Variants in POFUT2 observed in about 807,000 individuals in gnomAD.
POFUT2 encodes GDP-fucose protein O-fucosyltransferase 2.
Under a neutral mutation model 55.0 loss-of-function variants are expected in POFUT2, and 30 were observed. The observed-to-expected ratio is 0.55, with a 90% CI of 0.41 to 0.74. The LOEUF (loss-of-function observed/expected upper bound fraction) is 0.74, where lower values mean the gene tolerates loss of function less well. Among genes scored for constraint, POFUT2 ranks in the 30% least tolerant of loss-of-function variants. POFUT2 has a pLI of 0.00. For synonymous variants in POFUT2, 267 were observed against 231.1 expected, an observed-to-expected ratio of 1.16 and a Z score of -1.41; for missense variants, 524 against 562.6, an observed-to-expected ratio of 0.93 and a Z score of 0.69.
Position 45,270,603 on chromosome 21 carries a change from G to C in POFUT2, c.832-584C>G, listed in dbSNP as rs2093210259. Among the ~76,000 whole-genome samples, 1 of 152,218 alleles carries C rather than the reference G, an allele frequency of 6.6e-6. No individual in the cohort carries two copies. The highest frequency in any genetic ancestry group is 2.1e-4 in the South Asian group (1 of 4,832). On this transcript the variant is annotated intron_variant, in intron 6 of 8. Transcript: ENST00000349485. This position sits in a 1 kb window ranked among gnomAD's most constrained non-coding sequence, Gnocchi z 4.6. Reference sequence around the variant, plus strand: ...GCATAACCAGCATTCGAGAAAGCCAGTGCACTCAACAAAACTACAACCAAG... The same window carrying C: ...GCATAACCAGCATTCGAGAAAGCCACTGCACTCAACAAAACTACAACCAAG...
intron 6 of POFUT2, among the ~76,000 whole-genome samples, chr21:45,275,720 A>G (rs1468375628): frequency 6.6e-6 from 1 of 152,178 alleles, no homozygotes; most frequent in Non-Finnish European, 1.5e-5. Flanking sequence ...GAATGACACA[A>G]TGGACTTTGG....
chr21:45,266,288 TAC>T lies in POFUT2; in HGVS notation c.1137-655_1137-654del, dbSNP rs1265495949. The T allele has an allele frequency of 3.1e-5, 42 of 1,366,716 alleles. No individual in the cohort carries two copies. In the East Asian group the frequency reaches 1.8e-3, roughly 58 times the overall value. 84.7% of individuals were successfully genotyped at this position (1,366,716 alleles called of 1,614,324 possible). A position where few individuals can be genotyped will look rare whatever the true frequency, so the allele number is the denominator to read the frequency against. The stretch of plus-strand genomic sequence containing the variant: ...AGCAAATGTAACATGCACAGCGCTG[TAC>T]ACAGAGCCACAGGGCCAGCAGGCCA... On this transcript the variant is annotated intron_variant, in intron 8 of 8. Coordinates refer to ENST00000349485, the MANE Select transcript of POFUT2 (RefSeq NM_133635.6).
At chr21:45,274,269 A>C (rs2093243941) in intron 6 of POFUT2, among the ~76,000 whole-genome samples, 1 of 152,202 alleles carries the variant, frequency 6.6e-6, no homozygotes, top group African/African-American at 2.4e-5. Flanking sequence ...ACAAAACTTG[A>C]TCTCTACAAG....
Position 45,277,027 on chromosome 21 carries a change from A to C in POFUT2, c.821T>G (p.Met274Arg), listed in dbSNP as rs1381463828. ...ADRIPFQEDW[M>R]KMKVKLGSAL... ...AGGGAGGGGGGCTACCTTCATCTTC[A>C]TCCAGTCCTCCTGGAAGGGGATCCT... Residue 274 changes from methionine (M) to arginine (R), a missense_variant, in exon 6 of 9, where the codon ATG (methionine) becomes AGG (arginine). Around this residue, in one of 2 missense-constraint regions of POFUT2, gnomAD observed 250 missense variants for 318.2 expected, o/e 0.79. Coordinates refer to ENST00000349485, the MANE Select transcript of POFUT2 (RefSeq NM_133635.6). This position sits in a 1 kb window ranked among gnomAD's most constrained non-coding sequence, Gnocchi z 6.9. The C allele has an allele frequency of 1.9e-6, 3 of 1,613,908 alleles. No individual in the cohort carries two copies. The East Asian group carries it at 6.7e-5, about 36-fold the overall frequency.
chr21:45,265,662 G>A lies in POFUT2; in HGVS notation c.1137-27C>T, dbSNP rs1358968965. 1.3e-6 allele frequency: 1 copy of A among 782,560 alleles called. No individual in the cohort carries two copies. The highest frequency in any genetic ancestry group is 6.5e-5 in the East Asian group (1 of 15,460). The allele number at this position is 782,560 out of a possible 1,614,324, so 48.5% of individuals were successfully genotyped here. A position where few individuals can be genotyped will look rare whatever the true frequency, so the allele number is the denominator to read the frequency against. The stretch of plus-strand genomic sequence containing the variant: ...TGCAAAGGATCACAGAGGTTCCAGA[G>A]TCAGGGAGAACTGGCGTCACAGAGG... On this transcript the variant is annotated intron_variant, in intron 8 of 8. Transcript: ENST00000349485. This position sits in a 1 kb window ranked among gnomAD's most constrained non-coding sequence, Gnocchi z 4.6.
rs1395343423 is a variant in POFUT2, at chr21:45,282,652, G to A, written c.528-193C>T. ...AAAGAAGCCCATGAGTGTCTCTCAG[G>A]CTGATGGACCACTGAGGCTTTCCCC... On this transcript the variant is annotated intron_variant, in intron 3 of 8. Coordinates refer to ENST00000349485, the MANE Select transcript of POFUT2 (RefSeq NM_133635.6). The surrounding 1 kb of genome is among the most constrained non-coding windows in gnomAD (Gnocchi z 4.6). 6.6e-6 allele frequency among the ~76,000 whole-genome samples: 1 copy of A among 152,208 alleles called. No homozygotes were observed. The highest frequency in any genetic ancestry group is 1.5e-5 in the Non-Finnish European group (1 of 68,026).
intron 4 of POFUT2, among the ~76,000 whole-genome samples, chr21:45,279,146 C>G (rs1275683131): frequency 6.6e-6 from 1 of 152,176 alleles, no homozygotes; most frequent in Non-Finnish European, 1.5e-5. Context: ...AATCCCAGCA[C>G]TTTGGGAGGC....
rs112907087 is a variant in POFUT2, at chr21:45,265,635, C to T, written c.1137G>A (p.Arg379=). Residue 379 remains arginine, a splice_region_variant and synonymous_variant, in exon 9 of 9, where the codon AGG becomes AGA. Transcript: ENST00000349485. This position sits in a 1 kb window ranked among gnomAD's most constrained non-coding sequence, Gnocchi z 4.6. ...TTGAGACTGAGGTGCCAATAAAAAA[C>T]CTGCAAAGGATCACAGAGGTTCCAG... is the stretch of plus-strand genomic sequence containing the variant. The part of the protein sequence containing the change: ...IIDQWICAHA[R]FFIGTSVSTF... The T allele has an allele frequency of 1.1e-3, 1,758 of 1,611,110 alleles. 19 individuals carry two copies. The African/African-American group carries it at 0.021, about 20-fold the overall frequency.
intron 7 of POFUT2, 111 bp downstream of exon 7, chr21:45,269,728 A>G (rs1417108581): frequency 4.9e-6 from 5 of 1,010,768 alleles, no homozygotes; most frequent in Admixed American, 2.6e-5. Flanking sequence ...TCCCTCCACT[A>G]TTGTTCCATG....
rs1423315160 is a variant in POFUT2, at chr21:45,265,642, A to C, written c.1137-7T>G. On this transcript the variant is annotated splice_region_variant and splice_polypyrimidine_tract_variant and intron_variant, in intron 8 of 8. Transcript: ENST00000349485. This position sits in a 1 kb window ranked among gnomAD's most constrained non-coding sequence, Gnocchi z 4.6. ...TGAGGTGCCAATAAAAAACCTGCAA[A>C]GGATCACAGAGGTTCCAGAGTCAGG... The C allele has an allele frequency of 1.2e-6, 2 of 1,607,136 alleles. No individual in the cohort carries two copies. The highest frequency in any genetic ancestry group is 3.4e-5 in the Admixed American group (2 of 59,310).
At chr21:45,274,276 C>A (rs2093244005) in intron 6 of POFUT2, among the ~76,000 whole-genome samples, 1 of 152,106 alleles carries the variant, frequency 6.6e-6, no homozygotes, top group Non-Finnish European at 1.5e-5. Flanking sequence ...TTGATCTCTA[C>A]AAGGAAAATT....
rs950216037 is a variant in POFUT2, at chr21:45,282,255, G to A, written c.638+94C>T. On this transcript the variant is annotated intron_variant, in intron 4 of 8. Transcript: ENST00000349485. This position sits in a 1 kb window ranked among gnomAD's most constrained non-coding sequence, Gnocchi z 4.6. ...CTGTCTGTGAGGTGGGTGGGCCAGGGATGCGGGAGTATGGGCGGAGAGCCC... is the reference window on the plus strand; with the variant it reads ...CTGTCTGTGAGGTGGGTGGGCCAGGAATGCGGGAGTATGGGCGGAGAGCCC... 4 of 827,448 alleles carry A rather than the reference G, an allele frequency of 4.8e-6. No homozygotes were observed. The highest frequency in any genetic ancestry group is 8.0e-6 in the Non-Finnish European group (4 of 496,920). The allele number at this position is 827,448 out of a possible 1,614,324, so 51.3% of individuals were successfully genotyped here. A position where few individuals can be genotyped will look rare whatever the true frequency, so the allele number is the denominator to read the frequency against.
At position 45,269,535 on chromosome 21, in the gene POFUT2, A is replaced by C; in HGVS notation, c.1012+304T>G. Among the ~76,000 whole-genome samples the C allele has an allele frequency of 1.3e-5, 2 of 152,284 alleles. 1 individual carries two copies. Among genetic ancestry groups the C allele is most frequent in the African/African-American group, 4.8e-5 (2 of 41,522 alleles). ...ACATGTGCTGTGTCCACTCAGGGTT[A>C]AATGGATTAAGGGCGGTACAAGATG... On this transcript the variant is annotated intron_variant, in intron 7 of 8. Coordinates refer to ENST00000349485, the MANE Select transcript of POFUT2 (RefSeq NM_133635.6).
intron 4 of POFUT2, among the ~76,000 whole-genome samples, chr21:45,278,601 C>T (rs966398284): frequency 6.6e-6 from 1 of 152,172 alleles, no homozygotes; most frequent in Admixed American, 6.5e-5. Flanking sequence ...AGCTCAAAGC[C>T]GGAGCTGCAT....
In POFUT2 at chr21:45,265,282, CT is replaced by C; in HGVS notation, c.*199del. ...GCCACCCCCGAGAGCAGCGGAGCCTCTTCATCAGCCATGGCGGCTGGCAACG... is the reference window on the plus strand; with the variant it reads ...GCCACCCCCGAGAGCAGCGGAGCCTCTCATCAGCCATGGCGGCTGGCAACG... On this transcript the variant is annotated 3_prime_UTR_variant, in exon 9 of 9. Coordinates refer to ENST00000349485, the MANE Select transcript of POFUT2 (RefSeq NM_133635.6). The surrounding 1 kb of genome is among the most constrained non-coding windows in gnomAD (Gnocchi z 4.6). 2.3e-6 allele frequency: 1 copy of C among 438,392 alleles called. No individual in the cohort carries two copies. The highest frequency in any genetic ancestry group is 4.0e-6 in the Non-Finnish European group (1 of 249,886). The allele number at this position is 438,392 out of a possible 1,614,324, so 27.2% of individuals were successfully genotyped here. A position where few individuals can be genotyped will look rare whatever the true frequency, so the allele number is the denominator to read the frequency against.
At chr21:45,276,888 A>T in intron 6 of POFUT2, 129 bp downstream of exon 6, 1 of 983,192 alleles carries the variant, frequency 1.0e-6, no homozygotes, top group Non-Finnish European at 1.5e-6. Flanking sequence ...CACATTCCAG[A>T]GAGGCGCCGA....
Position 45,269,848 on chromosome 21 carries a change from C to T in POFUT2, c.1003G>A (p.Val335Ile), listed in dbSNP as rs141785110. Reference protein sequence around the residue: ...LDKVFVATDAVRKEYEELKKL... With the variant: ...LDKVFVATDAIRKEYEELKKL... ...CATTGAAGCTCCATACCCTTTCTGA[C>T]GGCATCTGTGGCCACAAACACCTTG... The change falls in exon 7 of 9, where the codon GTC becomes ATC. Residue 335 changes from valine (V) to isoleucine (I), a missense_variant. Val to Ile is a conservative substitution (Grantham distance 29). This residue lies in a region of POFUT2 where 250 missense variants were observed against 318.2 expected (regional missense o/e 0.79). Coordinates refer to ENST00000349485, the MANE Select transcript of POFUT2 (RefSeq NM_133635.6). The T allele has an allele frequency of 1.9e-4, 297 of 1,602,230 alleles. 1 individual carries two copies. In the African/African-American group the frequency reaches 2.6e-3, roughly 14 times the overall value.
chr21:45,278,471 G>A (rs1172410518), intron 4 of POFUT2, among the ~76,000 whole-genome samples: 1 of 152,220 alleles, frequency 6.6e-6, no homozygotes, highest in Non-Finnish European at 1.5e-5. Flanking sequence ...TGGAATCCAG[G>A]ATCCACCGAC....
Position 45,267,407 on chromosome 21 carries a change from T to C in POFUT2, c.1136+183A>G. 6.2e-7 allele frequency: 1 copy of C among 1,605,724 alleles called. No individual in the cohort carries two copies. ...GAACTAAAGGGGCAAGATGAACAAT[T>C]AACTTCAGCCCAGGGAAACACTGAA... On this transcript the variant is annotated intron_variant, in intron 8 of 8. Coordinates refer to ENST00000349485, the MANE Select transcript of POFUT2 (RefSeq NM_133635.6). This position sits in a 1 kb window ranked among gnomAD's most constrained non-coding sequence, Gnocchi z 4.4.
Sources: gnomAD v4.1 joint callset for allele counts (sites outside exome capture counted in the v4.1 genomes callset) on GRCh38, gnomAD v4.1.1 for gene constraint, gnomAD v4.1.1 regional missense constraint, Gnocchi (gnomAD v3.1) non-coding constraint, MANE v1.5 for transcripts, NCBI Gene and HGNC (gene_info 2026-07-23, HGNC 2026-07-21) for gene names.